The following ARHGEF18 variants were observed in gnomAD, a reference collection of about 807,000 sequenced individuals.
The protein encoded by ARHGEF18 is Rho/Rac guanine nucleotide exchange factor 18, also known as rho guanine nucleotide exchange factor 18.
ARHGEF18 carries 93 observed loss-of-function variants against 155.7 expected under a neutral mutation model. The ratio of observed to expected loss-of-function variants is 0.60; its 90% CI spans 0.50 to 0.71. The LOEUF (loss-of-function observed/expected upper bound fraction) is 0.71. Ranked by LOEUF, ARHGEF18 falls within the 30% of genes least tolerant of loss-of-function variation. ARHGEF18 has a pLI of 0.00. For synonymous variants in ARHGEF18, 742 were observed against 753.1 expected, an observed-to-expected ratio of 0.99 and a Z score of 0.24; for missense variants, 1,593 against 1,816.1, an observed-to-expected ratio of 0.88 and a Z score of 2.23.
Position 7,466,800 on chromosome 19 carries a change from G to A in ARHGEF18, c.2905-118G>A, listed in dbSNP as rs555226140. On this transcript the variant is annotated intron_variant, in intron 23 of 28. Coordinates refer to ENST00000668164, the MANE Select transcript of ARHGEF18 (RefSeq NM_001367823.1). ...GCTTGGGCAACAAGAGCAGAATTCC[G>A]TCTCAAAAAAAAAAAAAAAAAAAAA... 5.2e-5 allele frequency: 37 copies of A among 715,036 alleles called. 1 individual carries two copies. In the East Asian group the frequency reaches 1.0e-3, roughly 20 times the overall value. The allele number at this position is 715,036 out of a possible 1,614,324, so 44.3% of individuals were successfully genotyped here.
At chr19:7,367,885 TTATATATATTTTTTATA>T (rs1969995514) in intron 2 of ARHGEF18, among the ~76,000 whole-genome samples, 1 of 16,088 alleles carries the variant, frequency 6.2e-5, no homozygotes, top group Non-Finnish European at 9.4e-5. Flanking sequence ...TATATATATT[TTATATATATTTTTTATA>T]TATATATATT....
chr19:7,398,837 C>A (rs1971873718), intron 10 of ARHGEF18, among the ~76,000 whole-genome samples: 1 of 152,210 alleles, frequency 6.6e-6, no homozygotes, highest in African/African-American at 2.4e-5. Flanking sequence ...GTATAATTTT[C>A]ATTCTTGTCA....
chr19:7,350,597 T>C (rs183431424), intron 1 of ARHGEF18, among the ~76,000 whole-genome samples: 47 of 152,296 alleles, frequency 3.1e-4, no homozygotes, highest in African/African-American at 1.1e-3. Flanking sequence ...GACAAAGGGA[T>C]GGGCATATGT....
At chr19:7,424,904 G>A (rs1004601013) in intron 10 of ARHGEF18, among the ~76,000 whole-genome samples, 5 of 151,764 alleles carry the variant, frequency 3.3e-5, no homozygotes, top group African/African-American at 1.2e-4. Flanking sequence ...TGAGGCAGGA[G>A]AATCGCTGGA....
At chr19:7,377,741 T>C (rs1345731710) in intron 5 of ARHGEF18, among the ~76,000 whole-genome samples, 1 of 146,346 alleles carries the variant, frequency 6.8e-6, no homozygotes, top group Admixed American at 6.9e-5. Flanking sequence ...TGAGTTCTGA[T>C]GGCAGGACTG....
chr19:7,351,525 G>A lies in ARHGEF18; in HGVS notation c.-111+2284G>A, dbSNP rs557906087. Among the ~76,000 whole-genome samples the A allele has an allele frequency of 1.8e-3, 276 of 151,256 alleles. 1 individual carries two copies. Among genetic ancestry groups the A allele is most frequent in the African/African-American group, 6.2e-3 (255 of 41,202 alleles). On this transcript the variant is annotated intron_variant, in intron 1 of 28. Transcript: ENST00000668164. ...TTTTTAATAGAGACGGGGTTTCACC[G>A]TGTTAGCCAGGATGGTCTTGATCTC...
At chr19:7,434,020 TAA>T (rs74939736) in intron 10 of ARHGEF18, among the ~76,000 whole-genome samples, 26 of 82,174 alleles carry the variant, frequency 3.2e-4, no homozygotes, top group Non-Finnish European at 2.6e-4. Flanking sequence ...TCTGTCTCAT[TAA>T]AAAAAAAAAA....
intron 5 of ARHGEF18, among the ~76,000 whole-genome samples, chr19:7,377,949 C>T (rs944640624): frequency 1.5e-4 from 23 of 151,996 alleles, no homozygotes; most frequent in African/African-American, 5.3e-4. Flanking sequence ...AAGAATTAGT[C>T]GGGCATGGTG....
At chr19:7,423,706 C>CAA (rs752705832) in intron 10 of ARHGEF18, among the ~76,000 whole-genome samples, 30 of 103,272 alleles carry the variant, frequency 2.9e-4, no homozygotes, top group African/African-American at 8.6e-4. Flanking sequence ...GACTCTATCT[C>CAA]AAAAAAAAAA....
At position 7,472,268 on chromosome 19, in the gene ARHGEF18, G is replaced by A. The variant is rs75566654; in HGVS notation, c.*1970G>A. ...TCGCCAGTGCCCCTCGGCCACTCCT[G>A]GGTTGGAGCCCGATTTTATTTGTAA... On this transcript the variant is annotated 3_prime_UTR_variant, in exon 29 of 29. Coordinates refer to ENST00000668164, the MANE Select transcript of ARHGEF18 (RefSeq NM_001367823.1). 0.028 allele frequency: 4,215 copies of A among 152,572 alleles called. 90 individuals carry two copies. Among genetic ancestry groups the A allele is most frequent in the South Asian group, 0.073 (353 of 4,832 alleles). 9.5% of individuals were successfully genotyped at this position (152,572 alleles called of 1,614,324 possible).
intron 18 of ARHGEF18, among the ~76,000 whole-genome samples, chr19:7,456,830 G>A (rs968997788): frequency 1.3e-5 from 2 of 152,218 alleles, no homozygotes; most frequent in Non-Finnish European, 2.9e-5. Flanking sequence ...AACTGCCCAT[G>A]GAAGGGGCAC....
intron 2 of ARHGEF18, among the ~76,000 whole-genome samples, chr19:7,371,771 A>T (rs1053116828): frequency 2.6e-5 from 4 of 151,850 alleles, no homozygotes; most frequent in Non-Finnish European, 5.9e-5. Context: ...CAGTGAGCTG[A>T]GATTGTACCA....
chr19:7,355,468 C>T (rs961774296), intron 1 of ARHGEF18, among the ~76,000 whole-genome samples: 37 of 152,228 alleles, frequency 2.4e-4, no homozygotes, highest in African/African-American at 8.0e-4. Context: ...GGCCCCTGAG[C>T]TGGAAACCCC....
In ARHGEF18 at chr19:7,422,201, C is replaced by T. The variant is rs183477300; in HGVS notation, c.968-18143C>T. On this transcript the variant is annotated intron_variant, in intron 10 of 28. Coordinates refer to ENST00000668164, the MANE Select transcript of ARHGEF18 (RefSeq NM_001367823.1). ...CTGTAATGCAGGTTTAATCATGCCT[C>T]TCCCTGCCTAAAACCTTCCCCTGGC... Among the ~76,000 whole-genome samples the T allele has an allele frequency of 4.1e-4, 63 of 152,258 alleles. 1 individual carries two copies. The East Asian group carries it at 6.8e-3, about 16-fold the overall frequency.
chr19:7,371,820 C>CAA (rs11407900), intron 2 of ARHGEF18, among the ~76,000 whole-genome samples: 20 of 138,534 alleles, frequency 1.4e-4, no homozygotes, highest in East Asian at 8.3e-4. Flanking sequence ...GACTCCATCT[C>CAA]AAAAAAAAAA....
At position 7,463,931 on chromosome 19, in the gene ARHGEF18, G is replaced by A. The variant is rs145857246; in HGVS notation, c.2749G>A (p.Asp917Asn). Residue 917 changes from aspartate to asparagine, a missense_variant, in exon 22 of 29, where the codon GAC becomes AAC. Coordinates refer to ENST00000668164, the MANE Select transcript of ARHGEF18 (RefSeq NM_001367823.1). The surrounding 1 kb of genome is among the most constrained non-coding windows in gnomAD (Gnocchi z 5.2). ...GAGGGCTGAGACCTTCGCGGGCTACGACTGCACAAACAGCCCCACCAAGAG... is the reference window on the plus strand; with the variant it reads ...GAGGGCTGAGACCTTCGCGGGCTACAACTGCACAAACAGCCCCACCAAGAG... ...PRRAETFAGY[D>N]CTNSPTKNGS... The A allele has an allele frequency of 2.1e-4, 334 of 1,593,720 alleles. 2 individuals are homozygous for A. In the East Asian group the frequency reaches 6.9e-3, roughly 33 times the overall value.
chr19:7,367,326 A>T (rs2145370364), intron 2 of ARHGEF18, among the ~76,000 whole-genome samples: 1 of 152,232 alleles, frequency 6.6e-6, no homozygotes, highest in East Asian at 1.9e-4. Context: ...CTGCCCTGTG[A>T]GGCACGGTGG....
intron 10 of ARHGEF18, among the ~76,000 whole-genome samples, chr19:7,399,159 C>G (rs1315066094): frequency 6.6e-6 from 1 of 152,176 alleles, no homozygotes; most frequent in Non-Finnish European, 1.5e-5. Flanking sequence ...CGGTCAAGAA[C>G]TACTGTGTTT....
chr19:7,449,307 C>G (rs1975211495), intron 15 of ARHGEF18, among the ~76,000 whole-genome samples: 1 of 151,878 alleles, frequency 6.6e-6, no homozygotes, highest in Admixed American at 6.6e-5. Context: ...CGTGGTGGCT[C>G]ACGCTTGGAA....
Sources: allele counts gnomAD v4.1 joint callset (sites outside exome capture counted in the v4.1 genomes callset), GRCh38; gene constraint gnomAD v4.1.1; non-coding constraint Gnocchi (gnomAD v3.1); transcripts MANE v1.5; gene names NCBI Gene and HGNC (gene_info 2026-07-23, HGNC 2026-07-21).